The following LMNTD1 variants were observed in gnomAD, a reference collection of about 807,000 sequenced individuals.
LMNTD1 encodes lamin tail domain-containing protein 1.
In LMNTD1, 35 loss-of-function variants were observed where a neutral mutation model predicts 50.9. The observed-to-expected ratio is 0.69, with a 90% CI of 0.53 to 0.91. The LOEUF is 0.91. Ranked by LOEUF, LMNTD1 falls within the 40% of genes least tolerant of loss-of-function variation. The pLI is 0.00. For missense variants in LMNTD1, 470 were observed against 475.5 expected, an observed-to-expected ratio of 0.99 and a Z score of 0.11; for synonymous variants, 153 against 161.9, an observed-to-expected ratio of 0.94 and a Z score of 0.42.
rs191430452 is a variant in LMNTD1 at position 25,484,446 on chromosome 12, C to T, written c.*23-7986G>A. On this transcript the variant is annotated intron_variant, in intron 9 of 9. Coordinates refer to ENST00000458174, the MANE Select transcript of LMNTD1 (RefSeq NM_001145728.2). ...CATTTGGTAAGGAATTTAAATACCC[C>T]CTAGGTGAATGGGTGAGTACATTAT... 1.9e-4 allele frequency among the ~76,000 whole-genome samples: 29 copies of T among 151,950 alleles called. 1 individual carries two copies. Among genetic ancestry groups the T allele is most frequent in the African/African-American group, 4.8e-4 (20 of 41,292 alleles).
intron 1 of LMNTD1, among the ~76,000 whole-genome samples, chr12:25,617,572 G>T (rs1946375447): frequency 1.3e-5 from 2 of 152,244 alleles, no homozygotes; most frequent in East Asian, 1.9e-4. Flanking sequence ...CCATCTGATG[G>T]TTTCTATTTT....
chr12:25,617,812 G>T (rs747728372), intron 1 of LMNTD1, among the ~76,000 whole-genome samples: 3 of 152,214 alleles, frequency 2.0e-5, no homozygotes, highest in Admixed American at 1.3e-4. Flanking sequence ...TGAGGCCACA[G>T]AAAGGAGTGG....
intron 9 of LMNTD1, among the ~76,000 whole-genome samples, chr12:25,501,366 C>T (rs926588930): frequency 6.6e-6 from 1 of 152,142 alleles, no homozygotes; most frequent in African/African-American, 2.4e-5. Flanking sequence ...GAAGTAGAAC[C>T]TAAATCTTTC....
chr12:25,641,422 T>C (rs938232510), intron 1 of LMNTD1, among the ~76,000 whole-genome samples: 2 of 152,110 alleles, frequency 1.3e-5, no homozygotes, highest in Non-Finnish European at 2.9e-5. Flanking sequence ...AAAAAAATAA[T>C]GGGTTCAAAT....
chr12:25,549,308 G>A lies in LMNTD1; in HGVS notation c.310+18C>T, dbSNP rs544482469. On this transcript the variant is annotated intron_variant, in intron 3 of 9. Coordinates refer to ENST00000458174, the MANE Select transcript of LMNTD1 (RefSeq NM_001145728.2). ...CTTTAAAAGTACTCTAAAAATATGG[G>A]TTCCATATTTTGCTTACCCAAGCTG... The A allele has an allele frequency of 6.9e-5, 96 of 1,392,698 alleles. No individual in the cohort carries two copies. In the South Asian group the frequency reaches 1.0e-3, roughly 15 times the overall value. 86.3% of individuals were successfully genotyped at this position (1,392,698 alleles called of 1,614,324 possible).
At chr12:25,625,271 C>T (rs1271018279) in intron 1 of LMNTD1, among the ~76,000 whole-genome samples, 1 of 152,192 alleles carries the variant, frequency 6.6e-6, no homozygotes, top group Non-Finnish European at 1.5e-5. Context: ...CCTGCCTCAT[C>T]CTTGGTTTCA....
At chr12:25,578,638 T>C (rs540054983) in intron 1 of LMNTD1, among the ~76,000 whole-genome samples, 2 of 152,312 alleles carry the variant, frequency 1.3e-5, no homozygotes, top group South Asian at 4.1e-4. Flanking sequence ...GAACCAAAAC[T>C]TGGCAATTCC....
chr12:25,618,898 ATTCACTGAAT>A (rs1385694944), intron 1 of LMNTD1, among the ~76,000 whole-genome samples: 1 of 152,178 alleles, frequency 6.6e-6, no homozygotes, highest in Non-Finnish European at 1.5e-5. Flanking sequence ...CCTAATAGCC[ATTCACTGAAT>A]TTCACTGAAT....
At chr12:25,550,462 C>T (rs1318191124) in intron 2 of LMNTD1, among the ~76,000 whole-genome samples, 1 of 152,200 alleles carries the variant, frequency 6.6e-6, no homozygotes, top group Non-Finnish European at 1.5e-5. Context: ...AATCCAAACC[C>T]TTTATTTCTC....
chr12:25,647,700 T>C (rs1947103859), intron 1 of LMNTD1, among the ~76,000 whole-genome samples: 1 of 152,224 alleles, frequency 6.6e-6, no homozygotes, highest in Non-Finnish European at 1.5e-5. Flanking sequence ...TACTAATTCA[T>C]CATCTTCTGA....
intron 1 of LMNTD1, among the ~76,000 whole-genome samples, chr12:25,562,901 A>G (rs991374030): frequency 1.3e-5 from 2 of 152,096 alleles, no homozygotes; most frequent in Non-Finnish European, 2.9e-5. Flanking sequence ...TTCAATCACT[A>G]ATACCCTTTC....
At chr12:25,543,409 C>T (rs1349570904) in intron 4 of LMNTD1, among the ~76,000 whole-genome samples, 1 of 151,880 alleles carries the variant, frequency 6.6e-6, no homozygotes, top group East Asian at 1.9e-4. Flanking sequence ...TATAGTAAAA[C>T]ATAAACATTA....
At chr12:25,627,937 G>A (rs1024305638) in intron 1 of LMNTD1, among the ~76,000 whole-genome samples, 73 of 151,118 alleles carry the variant, frequency 4.8e-4, no homozygotes, top group Admixed American at 3.4e-3. Flanking sequence ...GTGAAACCCC[G>A]TCTCTACTAA....
At chr12:25,616,689 A>C (rs1329777661) in intron 1 of LMNTD1, among the ~76,000 whole-genome samples, 1 of 151,848 alleles carries the variant, frequency 6.6e-6, no homozygotes, top group Admixed American at 6.6e-5. Flanking sequence ...GATCTCTCTG[A>C]GTTATTTCTT....
At chr12:25,591,035 AGTGAAGG>A in intron 1 of LMNTD1, among the ~76,000 whole-genome samples, 1 of 152,204 alleles carries the variant, frequency 6.6e-6, no homozygotes, top group Non-Finnish European at 1.5e-5. Flanking sequence ...ACTTGAGAAA[AGTGAAGG>A]GAAAAGCAAA....
intron 1 of LMNTD1, among the ~76,000 whole-genome samples, chr12:25,620,856 C>T (rs776906838): frequency 5.9e-5 from 9 of 152,180 alleles, no homozygotes; most frequent in Non-Finnish European, 8.8e-5. Flanking sequence ...GTGCTTTATA[C>T]GCGCTCTACC....
chr12:25,500,562 G>C (rs1470047292), intron 9 of LMNTD1, among the ~76,000 whole-genome samples: 5 of 152,116 alleles, frequency 3.3e-5, no homozygotes, highest in Non-Finnish European at 7.4e-5. Flanking sequence ...TTGCAATGTT[G>C]GTGCTTTCTA....
intron 1 of LMNTD1, among the ~76,000 whole-genome samples, chr12:25,593,915 G>A (rs1194529046): frequency 7.2e-5 from 11 of 151,876 alleles, no homozygotes; most frequent in South Asian, 2.1e-4. Flanking sequence ...TTATAGAAAC[G>A]CAAAATGCTG....
At chr12:25,520,713 T>C (rs1004396902) in intron 6 of LMNTD1, among the ~76,000 whole-genome samples, 1 of 152,218 alleles carries the variant, frequency 6.6e-6, no homozygotes, top group Non-Finnish European at 1.5e-5. Context: ...TTTGGGTATG[T>C]ACCCAGAAGA....
Sources: allele counts gnomAD v4.1 joint callset (sites outside exome capture counted in the v4.1 genomes callset), GRCh38; gene constraint gnomAD v4.1.1; transcripts MANE v1.5; gene names NCBI Gene and HGNC (gene_info 2026-07-23, HGNC 2026-07-21).